SLC38A4: variants seen among roughly 807,000 people sequenced by gnomAD.
The protein encoded by SLC38A4 is solute carrier family 38 member 4.
Under a neutral mutation model 63.1 loss-of-function variants are expected in SLC38A4, and 20 were observed. The observed-to-expected ratio is 0.32, with a 90% CI of 0.22 to 0.46. The LOEUF (loss-of-function observed/expected upper bound fraction) is 0.46, where lower values mean the gene tolerates loss of function less well. SLC38A4 is among the 20% of genes least tolerant of loss of function. The pLI, the probability that SLC38A4 is intolerant of heterozygous loss-of-function variation, is 1.00. For synonymous variants in SLC38A4, 230 were observed against 225.5 expected (o/e 1.02, Z -0.18); for missense variants, 526 against 663.6 (o/e 0.79, Z 2.28).
chr12:46,819,384 G>T (rs1284192455), intron 1 of SLC38A4, among the ~76,000 whole-genome samples: 1 of 151,468 alleles, frequency 6.6e-6, no homozygotes, highest in East Asian at 1.9e-4. Flanking sequence ...TTGGTTTGAT[G>T]AATATGCTAA....
intron 2 of SLC38A4, among the ~76,000 whole-genome samples, chr12:46,798,281 C>T (rs1175107522): frequency 6.6e-6 from 1 of 152,156 alleles, no homozygotes. Flanking sequence ...TAAGATTCTG[C>T]CTGGTCCACC....
At chr12:46,826,105 GC>G (rs1939648250), upstream of SLC38A4, 1 of 152,242 alleles carries the variant, frequency 6.6e-6, no homozygotes, top group Non-Finnish European at 1.5e-5. Flanking sequence ...GACCTATCCC[GC>G]CGTAAGCCAA....
chr12:46,805,449 T>C lies in SLC38A4; in HGVS notation c.-304-1655A>G, dbSNP rs1474613860. Among the ~76,000 whole-genome samples, 4 of 152,196 alleles carry C rather than the reference T, an allele frequency of 2.6e-5. No individual in the cohort carries two copies. In the East Asian group the frequency reaches 7.7e-4, roughly 29 times the overall value. On this transcript the variant is annotated intron_variant, in intron 1 of 16. Coordinates refer to ENST00000266579, the MANE Select transcript of SLC38A4 (RefSeq NM_018018.5). The stretch of plus-strand genomic sequence containing the variant: ...TTTGACTATTTTTTTCCCTAGATCA[T>C]TTGACATTTTCAGATGTGGCCAAAA...
intron 1 of SLC38A4, among the ~76,000 whole-genome samples, chr12:46,813,064 G>A (rs1034481890): frequency 4.6e-5 from 7 of 151,858 alleles, no homozygotes; most frequent in African/African-American, 1.7e-4. Context: ...CAGAATGGTT[G>A]ACATCAGTGT....
chr12:46,769,555 T>C (rs140024278), intron 14 of SLC38A4, 127 bp from the exon 15 acceptor site: 3 of 949,846 alleles, frequency 3.2e-6, no homozygotes, highest in African/African-American at 1.7e-5. Context: ...ATGTTGATGC[T>C]TTTTTCAATT....
rs540275411 is a variant in SLC38A4 at position 46,798,393 on chromosome 12, G to A, written c.-113+5210C>T. Among the ~76,000 whole-genome samples, 6 of 152,116 alleles carry A rather than the reference G, an allele frequency of 3.9e-5. No homozygotes were observed. The South Asian group carries it at 8.3e-4, about 21-fold the overall frequency. On this transcript the variant is annotated intron_variant, in intron 2 of 16. Transcript: ENST00000266579. ...ATCCACCGTGTTCTCTACATCTCAG[G>A]TCATTTGCACATGTGGGTCACAGTG...
At chr12:46,778,805 A>G (rs552752461) in intron 10 of SLC38A4, 29 bp from the exon 11 acceptor site, 1 of 1,594,394 alleles carries the variant, frequency 6.3e-7, no homozygotes, top group Admixed American at 1.7e-5. Context: ...AAAGAAAAAA[A>G]AATCAGCTTT....
At chr12:46,817,081 A>T (rs1167542512) in intron 1 of SLC38A4, among the ~76,000 whole-genome samples, 1 of 151,846 alleles carries the variant, frequency 6.6e-6, no homozygotes, top group Non-Finnish European at 1.5e-5. Context: ...GCTTGTGTAT[A>T]TCTGTAAAAC....
intron 1 of SLC38A4, among the ~76,000 whole-genome samples, chr12:46,816,106 A>G (rs886107910): frequency 2.0e-5 from 3 of 151,952 alleles, no homozygotes; most frequent in Admixed American, 6.6e-5. Context: ...TTTCTAAGAT[A>G]AAGAAAACTT....
chr12:46,816,896 T>A (rs575319422), intron 1 of SLC38A4, among the ~76,000 whole-genome samples: 1 of 151,744 alleles, frequency 6.6e-6, no homozygotes, highest in African/African-American at 2.4e-5. Context: ...GATGAAAAAT[T>A]CAGAAAGTAA....
chr12:46,775,118 G>C lies in SLC38A4; in HGVS notation c.1230C>G (p.Ile410Met). Residue 410 changes from isoleucine (I) to methionine (M), a missense_variant, in exon 14 of 17, where the codon ATC becomes ATG. Coordinates refer to ENST00000266579, the MANE Select transcript of SLC38A4 (RefSeq NM_018018.5). ...CTGCCAGGCGAACCATGAGAAGAGG[G>C]ATGTCTAATGTATACACTTTGCTGT... ...HAYSKVYTLDIPLLMVRLAVL... is the reference protein window; with the variant it reads ...HAYSKVYTLDMPLLMVRLAVL... The C allele has an allele frequency of 6.2e-7, 1 of 1,612,792 alleles. No individual in the cohort carries two copies. The highest frequency in any genetic ancestry group is 8.5e-7 in the Non-Finnish European group (1 of 1,179,150).
At chr12:46,767,536 C>T (rs1938326593) in intron 16 of SLC38A4, among the ~76,000 whole-genome samples, 1 of 151,994 alleles carries the variant, frequency 6.6e-6, no homozygotes, top group Non-Finnish European at 1.5e-5. Context: ...AGACGGACTA[C>T]ATAGAGTTAA....
chr12:46,827,578 G>T (rs912988558), upstream of SLC38A4, among the ~76,000 whole-genome samples: 1 of 152,034 alleles, frequency 6.6e-6, no homozygotes, highest in Non-Finnish European at 1.5e-5. Context: ...AAATACATTT[G>T]TACTTCCTGA....
In SLC38A4 at chr12:46,798,640, A is replaced by G. The variant is rs111548658; in HGVS notation, c.-113+4963T>C. Among the ~76,000 whole-genome samples the G allele has an allele frequency of 5.8e-3, 880 of 152,194 alleles. 9 individuals carry two copies. Among genetic ancestry groups the G allele is most frequent in the African/African-American group, 0.02 (839 of 41,524 alleles). The stretch of plus-strand genomic sequence containing the variant: ...TGTTCTACTTTGTATATTAATAGGA[A>G]CCTCATTCATTTCATTTGCATTAAG... On this transcript the variant is annotated intron_variant, in intron 2 of 16. Transcript: ENST00000266579.
At chr12:46,785,746 T>A (rs1251316534) in intron 5 of SLC38A4, among the ~76,000 whole-genome samples, 1 of 134,424 alleles carries the variant, frequency 7.4e-6, no homozygotes, top group Admixed American at 7.3e-5. Context: ...TCCTTTTTTT[T>A]TTTTTTTTTT....
At position 46,788,718 on chromosome 12, in the gene SLC38A4, G is replaced by A. The variant is rs117947636; in HGVS notation, c.120-100C>T. On this transcript the variant is annotated intron_variant, in intron 3 of 16. Coordinates refer to ENST00000266579, the MANE Select transcript of SLC38A4 (RefSeq NM_018018.5). ...TGATCTAAGTAACTGAATCAGAGGA[G>A]GGGAAATAAGACACCCCAATTTTCT... 2.7e-3 allele frequency: 2,953 copies of A among 1,075,306 alleles called. 48 individuals carry two copies. The East Asian group carries it at 0.039, about 14-fold the overall frequency. The allele number at this position is 1,075,306 out of a possible 1,614,324, so 66.6% of individuals were successfully genotyped here.
chr12:46,795,375 T>C (rs1051723906), intron 2 of SLC38A4, among the ~76,000 whole-genome samples: 1 of 152,136 alleles, frequency 6.6e-6, no homozygotes, highest in African/African-American at 2.4e-5. Context: ...GCAATTACAG[T>C]ATTATCACTG....
intron 15 of SLC38A4, 102 bp downstream of exon 15, chr12:46,769,182 G>T: frequency 7.6e-7 from 1 of 1,312,186 alleles, no homozygotes; most frequent in Non-Finnish European, 1.1e-6. Flanking sequence ...CCATGAGCCT[G>T]AGAAAGAACG....
chr12:46,810,091 C>T (rs1238182713), intron 1 of SLC38A4, among the ~76,000 whole-genome samples: 1 of 151,960 alleles, frequency 6.6e-6, no homozygotes, highest in Non-Finnish European at 1.5e-5. Context: ...TCCTTCTTAT[C>T]CTCAGAGCCA....
Sources: gnomAD v4.1 joint callset for allele counts (sites outside exome capture counted in the v4.1 genomes callset) on GRCh38, gnomAD v4.1.1 for gene constraint, MANE v1.5 for transcripts, NCBI Gene and HGNC (gene_info 2026-07-23, HGNC 2026-07-21) for gene names.